Variants in CYP3A7 observed in about 807,000 individuals in gnomAD.
CYP3A7 encodes cytochrome P450 family 3 subfamily A member 7.
In CYP3A7, 45 loss-of-function variants were observed where a neutral mutation model predicts 55.2. That is an observed-to-expected ratio of 0.82 (90% CI 0.64 to 1.05). The LOEUF is 1.05. Ranked by LOEUF, CYP3A7 falls within the 50% of genes least tolerant of loss-of-function variation. The probability of loss-of-function intolerance (pLI) is 0.00; values close to 1 mark genes in which losing one functional copy is unlikely to be tolerated. For synonymous variants in CYP3A7, 180 were observed against 207.4 expected (o/e 0.87, Z 1.13); for missense variants, 548 against 605.3 (o/e 0.91, Z 0.99).
chr7:99,719,418 C>T (rs892079142), intron 4 of CYP3A7, among the ~76,000 whole-genome samples: 12 of 152,156 alleles, frequency 7.9e-5, no homozygotes, highest in Non-Finnish European at 1.3e-4. Context: ...TGGACAACTA[C>T]AAGCCACAAA....
At chr7:99,715,437 A>T in intron 7 of CYP3A7, 1 of 344,116 alleles carries the variant, frequency 2.9e-6, no homozygotes, top group Non-Finnish European at 5.5e-6. Context: ...TGAACTAGAG[A>T]ATTAAAAAAA....
chr7:99,730,309 A>G (rs1312737063), intron 2 of CYP3A7, among the ~76,000 whole-genome samples: 1 of 152,218 alleles, frequency 6.6e-6, no homozygotes, highest in East Asian at 1.9e-4. Context: ...AAATAAACCC[A>G]TGAATTCATA....
chr7:99,705,615 A>G lies in CYP3A7; in HGVS notation c.1417-20T>C, dbSNP rs1813492601. The G allele has an allele frequency of 5.6e-6, 9 of 1,612,048 alleles. No individual in the cohort carries two copies. Among genetic ancestry groups the G allele is most frequent in the Non-Finnish European group, 7.6e-6 (9 of 1,178,870 alleles). Reference sequence around the variant, plus strand: ...GGGGATCTGCAACAGTTAAACGAGCATATTGAGAAGCATTAAATAAAGCAA... The same window carrying G: ...GGGGATCTGCAACAGTTAAACGAGCGTATTGAGAAGCATTAAATAAAGCAA... On this transcript the variant is annotated intron_variant, in intron 12 of 12. Coordinates refer to ENST00000336374, the MANE Select transcript of CYP3A7 (RefSeq NM_000765.5).
intron 6 of CYP3A7, 131 bp from the exon 7 acceptor site, chr7:99,716,037 G>A (rs1450063891): frequency 4.5e-6 from 7 of 1,557,246 alleles, no homozygotes; most frequent in Non-Finnish European, 5.3e-6. Context: ...CTATTTACTG[G>A]AGCATCTCCC....
chr7:99,727,300 C>T (rs1354349082), intron 2 of CYP3A7, among the ~76,000 whole-genome samples: 1 of 152,190 alleles, frequency 6.6e-6, no homozygotes, highest in Non-Finnish European at 1.5e-5. Flanking sequence ...GTGGCTGCCA[C>T]CACCCTAATA....
rs766140164 is a variant in CYP3A7, at chr7:99,709,023, G to T, written c.1253+12C>A. On this transcript the variant is annotated intron_variant, in intron 11 of 12. Coordinates refer to ENST00000336374, the MANE Select transcript of CYP3A7 (RefSeq NM_000765.5). The stretch of plus-strand genomic sequence containing the variant: ...TGGTTCAGGGAGGGCTCCCTTCCCA[G>T]GGGCCTCCTACCTTTCAGGGAGGAA... 6.2e-7 allele frequency: 1 copy of T among 1,613,842 alleles called. No homozygotes were observed. Among genetic ancestry groups the T allele is most frequent in the Admixed American group, 1.7e-5 (1 of 59,966 alleles).
intron 2 of CYP3A7, among the ~76,000 whole-genome samples, chr7:99,727,366 A>G (rs1320555472): frequency 3.3e-5 from 5 of 152,192 alleles, no homozygotes; most frequent in Non-Finnish European, 7.3e-5. Context: ...TACAGTTCTC[A>G]TAACTTCCAA....
At chr7:99,714,528 C>T in intron 8 of CYP3A7, 27 bp downstream of exon 8, 1 of 1,610,740 alleles carries the variant, frequency 6.2e-7, no homozygotes, top group East Asian at 2.2e-5. Context: ...AACTAAACAT[C>T]CTCCTATAAC....
At chr7:99,724,012 A>G (rs1236262738) in intron 2 of CYP3A7, among the ~76,000 whole-genome samples, 1 of 152,048 alleles carries the variant, frequency 6.6e-6, no homozygotes, top group Non-Finnish European at 1.5e-5. Context: ...CCCCTGGGTC[A>G]CAAGTATCAC....
intron 9 of CYP3A7, 39 bp downstream of exon 9, chr7:99,713,430 G>A (rs1813828075): frequency 1.2e-6 from 2 of 1,612,450 alleles, no homozygotes; most frequent in Admixed American, 3.3e-5. Flanking sequence ...TTCCCTCTGA[G>A]TGCCCCACCA....
chr7:99,726,685 T>A (rs889913855), intron 2 of CYP3A7, among the ~76,000 whole-genome samples: 3 of 152,166 alleles, frequency 2.0e-5, no homozygotes, highest in Admixed American at 6.5e-5. Context: ...CATGATTTAC[T>A]TTCTTCCCAT....
At chr7:99,733,014 C>CT (rs1257025623) in intron 1 of CYP3A7, among the ~76,000 whole-genome samples, 1 of 152,182 alleles carries the variant, frequency 6.6e-6, no homozygotes, top group Non-Finnish European at 1.5e-5. Flanking sequence ...TAAAATACAA[C>CT]TAAGAAACAG....
chr7:99,730,961 T>C, intron 2 of CYP3A7, 98 bp downstream of exon 2: 2 of 1,484,366 alleles, frequency 1.3e-6, no homozygotes, highest in Admixed American at 3.7e-5. Flanking sequence ...AAGTATAAAA[T>C]CTCAGACCTT....
intron 9 of CYP3A7, 149 bp from the exon 10 acceptor site, chr7:99,711,041 G>A (rs1431412638): frequency 3.7e-6 from 5 of 1,338,490 alleles, no homozygotes; most frequent in Non-Finnish European, 5.1e-6. Flanking sequence ...GTTTCACTCT[G>A]ATGTGTGTCT....
intron 9 of CYP3A7, among the ~76,000 whole-genome samples, chr7:99,712,983 G>C (rs1813812521): frequency 6.6e-6 from 1 of 152,166 alleles, no homozygotes; most frequent in South Asian, 2.1e-4. Flanking sequence ...GATTAACCTG[G>C]TGAACACACT....
At chr7:99,723,717 G>A (rs1307242401) in intron 2 of CYP3A7, among the ~76,000 whole-genome samples, 1 of 152,294 alleles carries the variant, frequency 6.6e-6, no homozygotes, top group East Asian at 1.9e-4. Flanking sequence ...AATCGGGTAA[G>A]CGGCCTCTTT....
intron 8 of CYP3A7, 79 bp downstream of exon 8, chr7:99,714,476 G>T: frequency 6.3e-7 from 1 of 1,578,506 alleles, no homozygotes. Context: ...AAACATACAG[G>T]GAAGTGCACC....
chr7:99,721,152 C>CAGGGA (rs2151519992), intron 3 of CYP3A7, among the ~76,000 whole-genome samples: 1 of 152,282 alleles, frequency 6.6e-6, no homozygotes, highest in Non-Finnish European at 1.5e-5. Context: ...ATCAGCCCAC[C>CAGGGA]AGGGAACACA....
At position 99,705,419 on chromosome 7, in the gene CYP3A7, T is replaced by C. The variant is rs1813482193; in HGVS notation, c.*81A>G. On this transcript the variant is annotated 3_prime_UTR_variant, in exon 13 of 13. Coordinates refer to ENST00000336374, the MANE Select transcript of CYP3A7 (RefSeq NM_000765.5). ...ATGAAGCCCGTCTTCATTTCAGGGT[T>C]CTATTTGTAAAGTAATTTGAGGTCT... 6.7e-7 allele frequency: 1 copy of C among 1,482,680 alleles called. No individual in the cohort carries two copies. Among genetic ancestry groups the C allele is most frequent in the Admixed American group, 1.7e-5 (1 of 59,250 alleles). 91.8% of individuals were successfully genotyped at this position (1,482,680 alleles called of 1,614,324 possible).
Sources: allele counts gnomAD v4.1 joint callset (sites outside exome capture counted in the v4.1 genomes callset), GRCh38; gene constraint gnomAD v4.1.1; transcripts MANE v1.5; gene names NCBI Gene and HGNC (gene_info 2026-07-23, HGNC 2026-07-21).